TMEM101: variants seen among roughly 807,000 people sequenced by gnomAD.
The protein encoded by TMEM101 is transmembrane protein 101.
In TMEM101, 14 loss-of-function variants were observed where a neutral mutation model predicts 26.0. The observed-to-expected ratio is 0.54, with a 90% confidence interval of 0.36 to 0.84. The LOEUF is 0.84. Among genes scored for constraint, TMEM101 ranks in the 40% least tolerant of loss-of-function variants. The pLI is 0.01. For synonymous variants in TMEM101, 152 were observed against 145.1 expected (o/e 1.05, Z -0.34); for missense variants, 292 against 345.1 (o/e 0.85, Z 1.22).
At chr17:44,012,704 C>T (rs1242649228) in intron 3 of TMEM101, 3 of 420,760 alleles carry the variant, frequency 7.1e-6, no homozygotes, top group Admixed American at 3.9e-5. Context: ...TCTCCTTTAT[C>T]CCCTTCTAGT....
upstream of TMEM101, among the ~76,000 whole-genome samples, chr17:44,017,675 A>T (rs1230852555): frequency 6.6e-6 from 1 of 150,616 alleles, no homozygotes; most frequent in Non-Finnish European, 1.5e-5. Context: ...AGGCAGGAGA[A>T]TTGCTTGAAT....
At chr17:44,012,980 C>A (rs761744046) in intron 3 of TMEM101, 29 bp downstream of exon 3, 1 of 1,523,050 alleles carries the variant, frequency 6.6e-7, no homozygotes, top group South Asian at 1.2e-5. Flanking sequence ...CCCAGCCAGG[C>A]ACCTCCAACC....
intron 2 of TMEM101, among the ~76,000 whole-genome samples, chr17:44,013,579 A>C (rs532764038): frequency 3.9e-5 from 6 of 152,286 alleles, no homozygotes; most frequent in African/African-American, 1.4e-4. Context: ...GAATCGTTTG[A>C]ACCTGGAAGG....
At position 44,014,508 on chromosome 17, in the gene TMEM101, T is replaced by C; in HGVS notation, c.167A>G (p.Tyr56Cys). 2.0e-5 allele frequency: 31 copies of C among 1,572,986 alleles called. No individual in the cohort carries two copies. Among genetic ancestry groups the C allele is most frequent in the Non-Finnish European group, 2.7e-5 (31 of 1,159,286 alleles). Residue 56 changes from tyrosine (Y) to cysteine (C), a missense_variant, in exon 2 of 4, where the codon TAT (tyrosine) becomes TGT (cysteine). Physicochemically the swap from Tyr to Cys is radical, Grantham distance 194 (BLOSUM62 -2). Transcript: ENST00000206380. ...CAGCACGGCTGCCCCCATGTCGAAATACAGGTAAGGCACTGGGATGTCGGG... is the reference window on the plus strand; with the variant it reads ...CAGCACGGCTGCCCCCATGTCGAAACACAGGTAAGGCACTGGGATGTCGGG... ...RKPDIPVPYL[Y>C]FDMGAAVLCA...
upstream of TMEM101, among the ~76,000 whole-genome samples, chr17:44,016,742 T>C (rs772460892): frequency 5.3e-5 from 8 of 152,198 alleles, no homozygotes; most frequent in Non-Finnish European, 8.8e-5. Context: ...CAATGTAAAG[T>C]TGAAAACTCC....
upstream of TMEM101, chr17:44,015,191 G>A (rs2049216626): frequency 2.1e-6 from 1 of 468,078 alleles, no homozygotes; most frequent in African/African-American, 2.0e-5. Context: ...GGAAGGAACA[G>A]TGGGTTCAGG....
chr17:44,014,740 C>A, intron 1 of TMEM101, 76 bp downstream of exon 1: 1 of 1,514,872 alleles, frequency 6.6e-7, no homozygotes, highest in South Asian at 1.3e-5. Context: ...GTTCAAGGGT[C>A]CCGACTTCTA....
chr17:44,020,995 ACT>A (rs1261101825), intron 2 of TMEM101, among the ~76,000 whole-genome samples: 3 of 152,186 alleles, frequency 2.0e-5, no homozygotes, highest in African/African-American at 7.2e-5. Context: ...GGAACATGAT[ACT>A]GTTTTTCATC....
chr17:44,012,360 T>C, intron 3 of TMEM101, 124 bp from the exon 4 acceptor site: 5 of 909,350 alleles, frequency 5.5e-6, no homozygotes, highest in Non-Finnish European at 8.1e-6. Context: ...CCTCTTGGAC[T>C]GGGGAACCTC....
intron 3 of TMEM101, chr17:44,012,796 C>T (rs1172944847): frequency 4.4e-6 from 2 of 449,810 alleles, no homozygotes; most frequent in South Asian, 7.6e-5. Context: ...GCCAGTCTAC[C>T]TCGTGGCAAC....
At chr17:44,015,088 T>A, upstream of TMEM101, 1 of 1,254,238 alleles carries the variant, frequency 8.0e-7, no homozygotes, top group Non-Finnish European at 1.1e-6. Context: ...GTTCCGGATC[T>A]AAGGTGACCC....
At chr17:44,020,683 C>T (rs2049277006) in intron 2 of TMEM101, among the ~76,000 whole-genome samples, 1 of 152,248 alleles carries the variant, frequency 6.6e-6, no homozygotes, top group Non-Finnish European at 1.5e-5. Context: ...GATCGTGCCA[C>T]TGCACTCCAG....
At chr17:44,015,984 G>A (rs2049226473), upstream of TMEM101, among the ~76,000 whole-genome samples, 1 of 151,990 alleles carries the variant, frequency 6.6e-6, no homozygotes, top group Non-Finnish European at 1.5e-5. Flanking sequence ...CATCCAGGTG[G>A]TCTCTGCATT....
intron 2 of TMEM101, among the ~76,000 whole-genome samples, chr17:44,020,323 T>C (rs1007980664): frequency 6.6e-6 from 1 of 152,196 alleles, no homozygotes; most frequent in Admixed American, 6.5e-5. Context: ...TCTCCTATAA[T>C]TGTATCGCTG....
intron 3 of TMEM101, 64 bp from the exon 4 acceptor site, chr17:44,012,300 C>T: frequency 6.7e-7 from 1 of 1,487,684 alleles, no homozygotes. Context: ...GGTAAACCAC[C>T]CCTGAGATGG....
At chr17:44,012,276 A>C in intron 3 of TMEM101, 40 bp from the exon 4 acceptor site, 1 of 1,559,402 alleles carries the variant, frequency 6.4e-7, no homozygotes, top group Non-Finnish European at 8.7e-7. Flanking sequence ...CAACAGGCTC[A>C]GAAGCCTGTC....
At chr17:44,019,651 T>C (rs553049938), upstream of TMEM101, among the ~76,000 whole-genome samples, 3 of 152,354 alleles carry the variant, frequency 2.0e-5, no homozygotes, top group East Asian at 5.8e-4. Flanking sequence ...TTGGTGACCA[T>C]TGTTTGTGTC....
chr17:44,012,144 C>T lies in TMEM101; in HGVS notation c.558G>A (p.Leu186=), dbSNP rs200746192. ...GAAAGGCCAGGGCCAGGATGCCATA[C>T]AGCACGAAGAACAGCTGGATCATCA... is the stretch of plus-strand genomic sequence containing the variant. ...GELMIQLFFV[L]YGILALAFLS... is the part of the protein sequence containing the mutation. The change falls in exon 4 of 4, where the codon CTG becomes CTA. Residue 186 remains leucine, a synonymous_variant. Coordinates refer to ENST00000206380, the MANE Select transcript of TMEM101 (RefSeq NM_032376.4). 3.5e-4 allele frequency: 566 copies of T among 1,614,144 alleles called. 2 individuals carry two copies. The highest frequency in any genetic ancestry group is 9.1e-5 in the Non-Finnish European group (107 of 1,180,052).
At chr17:44,019,533 G>T (rs1481458701), upstream of TMEM101, 1 of 168,294 alleles carries the variant, frequency 5.9e-6, no homozygotes, top group Non-Finnish European at 1.3e-5. Flanking sequence ...TTTTGCGATT[G>T]TCTGTTGTTT....
Sources: allele counts gnomAD v4.1 joint callset (sites outside exome capture counted in the v4.1 genomes callset), GRCh38; gene constraint gnomAD v4.1.1; transcripts MANE v1.5; gene names NCBI Gene and HGNC (gene_info 2026-07-23, HGNC 2026-07-21).